MLKL: variants seen among roughly 807,000 people sequenced by gnomAD.
MLKL encodes the protein mixed lineage kinase domain-like protein.
A neutral mutation model predicts 56.5 loss-of-function variants in MLKL; 55 were observed. The observed-to-expected ratio is 0.97, with a 90% CI of 0.78 to 1.22. The LOEUF is 1.22. Among genes scored for constraint, MLKL ranks in the 50% most tolerant of loss-of-function variants. The pLI is 0.00. For missense variants in MLKL, 694 were observed against 573.9 expected, an observed-to-expected ratio of 1.21 and a Z score of -2.14; for synonymous variants, 251 against 208.3, an observed-to-expected ratio of 1.20 and a Z score of -1.76.
At chr16:74,690,664 C>T (rs1567614388) in intron 4 of MLKL, among the ~76,000 whole-genome samples, 2 of 151,502 alleles carry the variant, frequency 1.3e-5, no homozygotes, top group African/African-American at 2.4e-5. Context: ...CACCTGCAGT[C>T]CCAGCTACTT....
At chr16:74,686,022 C>T (rs1355999753) in intron 4 of MLKL, among the ~76,000 whole-genome samples, 15 of 148,646 alleles carry the variant, frequency 1.0e-4, no homozygotes, top group South Asian at 4.2e-4. Context: ...TGCAGTGGTG[C>T]GATCTTGGCT....
At chr16:74,690,652 C>A (rs948900160) in intron 4 of MLKL, among the ~76,000 whole-genome samples, 1 of 151,812 alleles carries the variant, frequency 6.6e-6, no homozygotes, top group East Asian at 1.9e-4. Flanking sequence ...AATGGTGGTG[C>A]ACACCTGCAG....
In MLKL at chr16:74,695,278, C is replaced by A. The variant is rs1316644623; in HGVS notation, c.460+20G>T. 7 of 1,609,266 alleles carry A rather than the reference C, an allele frequency of 4.3e-6. No homozygotes were observed. The highest frequency in any genetic ancestry group is 5.9e-6 in the Non-Finnish European group (7 of 1,177,530). On this transcript the variant is annotated intron_variant, in intron 2 of 10. Coordinates refer to ENST00000308807, the MANE Select transcript of MLKL (RefSeq NM_152649.4). ...ATGCATTCAACTGCACTCCCACTCC[C>A]CACCAAAGACCCAGCTTGCCTCTTC...
At chr16:74,692,538 G>A (rs1475088520) in intron 2 of MLKL, 122 bp from the exon 3 acceptor site, 4 of 747,460 alleles carry the variant, frequency 5.4e-6, no homozygotes, top group South Asian at 3.7e-5. Context: ...CATTATGGTA[G>A]GGATTACTAC....
intron 6 of MLKL, among the ~76,000 whole-genome samples, chr16:74,681,818 A>G (rs1959991714): frequency 6.6e-6 from 1 of 152,082 alleles, no homozygotes; most frequent in Non-Finnish European, 1.5e-5. Flanking sequence ...AGAAAAGAAA[A>G]AAACACAAGA....
intron 3 of MLKL, 135 bp from the exon 4 acceptor site, chr16:74,691,598 T>A (rs1567615769): frequency 1.7e-5 from 17 of 976,768 alleles, no homozygotes; most frequent in Non-Finnish European, 3.0e-6. Context: ...TGGCTGGGGC[T>A]TCTGATGGAC....
At position 74,695,473 on chromosome 16, in the gene MLKL, T is replaced by G; in HGVS notation, c.285A>C (p.Lys95Asn). 1 of 1,614,182 alleles carries G rather than the reference T, an allele frequency of 6.2e-7. No homozygotes were observed. Among genetic ancestry groups the G allele is most frequent in the Non-Finnish European group, 8.5e-7 (1 of 1,180,036 alleles). Residue 95 changes from lysine (K) to asparagine (N), a missense_variant, in exon 2 of 11, where the codon AAA (lysine) becomes AAC (asparagine). Physicochemically the swap from Lys to Asn is moderately conservative, Grantham distance 94. Transcript: ENST00000308807. ...TCCTGTTCACGTCCTTGAAGAGTAT[T>G]TTGTCCTGGCTTGCTGTTAGAAACC... ...ICRFLTASQDKILFKDVNRKL... is the reference protein window; with the variant it reads ...ICRFLTASQDNILFKDVNRKL...
intron 1 of MLKL, among the ~76,000 whole-genome samples, chr16:74,696,225 G>GT (rs1271646190): frequency 6.6e-6 from 1 of 152,132 alleles, no homozygotes; most frequent in Non-Finnish European, 1.5e-5. Flanking sequence ...GTCATGGACT[G>GT]TTAAGTGATC....
At chr16:74,678,843 C>A (rs1959765964) in intron 7 of MLKL, 56 bp downstream of exon 7, 2 of 1,285,196 alleles carry the variant, frequency 1.6e-6, no homozygotes, top group Admixed American at 3.4e-5. Flanking sequence ...TCGTGCCCCT[C>A]TCATAGCACC....
intron 6 of MLKL, among the ~76,000 whole-genome samples, chr16:74,681,088 G>T (rs988014979): frequency 6.6e-6 from 1 of 152,072 alleles, no homozygotes; most frequent in African/African-American, 2.4e-5. Flanking sequence ...GCAGTGGTAC[G>T]ATATCAGTTC....
rs199538416 is a variant in MLKL, at chr16:74,682,833, C to A, written c.821-47G>T. ...CTATGAGGACCCGCCCTACTTGAAG[C>A]TTCCCATGTCTGCAGCCCACCTCTC... On this transcript the variant is annotated intron_variant, in intron 5 of 10. Transcript: ENST00000308807. 35 of 1,604,700 alleles carry A rather than the reference C, an allele frequency of 2.2e-5. No homozygotes were observed. The Admixed American group carries it at 2.4e-4, about 11-fold the overall frequency.
At position 74,682,691 on chromosome 16, in the gene MLKL, G is replaced by C. The variant is rs145371410; in HGVS notation, c.916C>G (p.Arg306Gly). ...DREKDLTLGK[R>G]MVLVLGAARG... Reference sequence around the variant, plus strand: ...GCTGCCCCCAGGACTAGGACCATGCGCTTGCCAAGTGTGAGGTCTTTTTCC... The same window carrying C: ...GCTGCCCCCAGGACTAGGACCATGCCCTTGCCAAGTGTGAGGTCTTTTTCC... Residue 306 changes from arginine to glycine, a missense_variant, in exon 6 of 11, where the codon CGC (arginine) becomes GGC (glycine). By Grantham distance (125) the Arg-to-Gly change is moderately radical (BLOSUM62 -2). Coordinates refer to ENST00000308807, the MANE Select transcript of MLKL (RefSeq NM_152649.4). 6.2e-7 allele frequency: 1 copy of C among 1,614,090 alleles called. No individual in the cohort carries two copies. Among genetic ancestry groups the C allele is most frequent in the Admixed American group, 1.7e-5 (1 of 60,000 alleles).
At position 74,693,603 on chromosome 16, in the gene MLKL, ATTTTT is replaced by A. The variant is rs71376299; in HGVS notation, c.461-1192_461-1188del. ...CATCTAAAAATGGTTGAAATGGTAA[ATTTTT>A]TTTTTTTTTTTTTTGAGACGGAATC... On this transcript the variant is annotated intron_variant, in intron 2 of 10. Coordinates refer to ENST00000308807, the MANE Select transcript of MLKL (RefSeq NM_152649.4). Among the ~76,000 whole-genome samples, 9 of 135,792 alleles carry A rather than the reference ATTTTT, an allele frequency of 6.6e-5. 2 individuals carry two copies. 89.1% of individuals were successfully genotyped at this position (135,792 alleles called of 152,430 possible).
chr16:74,685,962 C>CT (rs398029921), intron 4 of MLKL, among the ~76,000 whole-genome samples: 7,974 of 142,226 alleles, frequency 0.056, 230 homozygotes, highest in Non-Finnish European at 0.063. Flanking sequence ...TGGTGTGTGT[C>CT]TTTTTTTTTT....
At chr16:74,695,826 A>C in intron 1 of MLKL, 67 bp from the exon 2 acceptor site, 1 of 1,373,552 alleles carries the variant, frequency 7.3e-7, no homozygotes, top group Non-Finnish European at 9.8e-7. Context: ...TTGGCTAAGA[A>C]AGAATCAAAG....
intron 6 of MLKL, among the ~76,000 whole-genome samples, chr16:74,679,713 G>A (rs1363759082): frequency 6.6e-6 from 1 of 152,118 alleles, no homozygotes. Context: ...TATTCAGGAT[G>A]CTAAAGCATG....
intron 2 of MLKL, 63 bp from the exon 3 acceptor site, chr16:74,692,479 T>A: frequency 1.5e-6 from 2 of 1,336,336 alleles, no homozygotes; most frequent in Non-Finnish European, 2.1e-6. Context: ...CAATCAAAAC[T>A]AAAATGCTAA....
rs1388541515 is a variant in MLKL, at chr16:74,691,405, C to T, written c.594G>A (p.Lys198=). Residue 198 remains lysine (K), a synonymous_variant, in exon 4 of 11, where the codon AAG becomes AAA. Coordinates refer to ENST00000308807, the MANE Select transcript of MLKL (RefSeq NM_152649.4). ...TCCACGGGGATCCTGAAAGCTGCTC[C>T]TTCTTGATCTCCTTGATTTGCTCTT... The part of the protein sequence containing the change: ...IPQEQIKEIK[K]EQLSGSPWIL... 6.2e-7 allele frequency: 1 copy of T among 1,613,962 alleles called. No individual in the cohort carries two copies. Among genetic ancestry groups the T allele is most frequent in the African/African-American group, 1.3e-5 (1 of 74,990 alleles).
intron 10 of MLKL, among the ~76,000 whole-genome samples, chr16:74,673,070 T>C (rs1263708240): frequency 6.6e-6 from 1 of 152,176 alleles, no homozygotes; most frequent in Non-Finnish European, 1.5e-5. Context: ...TGAGACCCTC[T>C]CAGGTAGTGT....
Sources: gnomAD v4.1 joint callset for allele counts (sites outside exome capture counted in the v4.1 genomes callset) on GRCh38, gnomAD v4.1.1 for gene constraint, MANE v1.5 for transcripts, NCBI Gene and HGNC (gene_info 2026-07-23, HGNC 2026-07-21) for gene names.